Variants in CLIP2 observed in about 807,000 individuals in gnomAD.
CLIP2 encodes the protein CAP-Gly domain-containing linker protein 2.
In CLIP2, 41 loss-of-function variants were observed where a neutral mutation model predicts 111.7. The observed-to-expected ratio is 0.37, with a 90% CI of 0.29 to 0.48. The LOEUF is 0.48. Ranked by LOEUF, CLIP2 falls within the 20% of genes least tolerant of loss-of-function variation. The pLI, the probability that CLIP2 is intolerant of heterozygous loss-of-function variation, is 0.99. For missense variants in CLIP2, 1,160 were observed against 1,422.1 expected, an observed-to-expected ratio of 0.82 and a Z score of 2.96; for synonymous variants, 660 against 644.2, an observed-to-expected ratio of 1.02 and a Z score of -0.37.
At chr7:74,361,432 A>G (rs1554309770) in intron 7 of CLIP2, among the ~76,000 whole-genome samples, 1 of 151,570 alleles carries the variant, frequency 6.6e-6, no homozygotes, top group East Asian at 2.0e-4. Context: ...GGCCAGGCTG[A>G]TCTCAAACTC....
chr7:74,322,023 G>A (rs566815268), intron 2 of CLIP2, among the ~76,000 whole-genome samples: 4 of 127,912 alleles, frequency 3.1e-5, no homozygotes, highest in South Asian at 2.4e-4. Context: ...TTGCTCTGTC[G>A]ACCAGGCTGG....
intron 10 of CLIP2, among the ~76,000 whole-genome samples, chr7:74,378,665 A>C (rs544697895): frequency 6.6e-6 from 1 of 152,188 alleles, no homozygotes; most frequent in South Asian, 2.1e-4. Flanking sequence ...ACTTGAGCCC[A>C]GGTGTTTGAG....
In CLIP2 at chr7:74,343,738, C is replaced by CA. The variant is rs34002172; in HGVS notation, c.678+4750dup. 2.6e-3 allele frequency among the ~76,000 whole-genome samples: 348 copies of CA among 136,434 alleles called. 1 individual carries two copies. The highest frequency in any genetic ancestry group is 5.1e-3 in the African/African-American group (178 of 35,168). 89.5% of individuals were successfully genotyped at this position (136,434 alleles called of 152,430 possible). On this transcript the variant is annotated intron_variant, in intron 3 of 16. Coordinates refer to ENST00000223398, the MANE Select transcript of CLIP2 (RefSeq NM_003388.5). ...CAAGACCCCGTCTCTACTAAAAATA[C>CA]AAAAAAAAAAAAAAAATAGCCGGGC...
At chr7:74,339,696 T>C (rs530866823) in intron 3 of CLIP2, among the ~76,000 whole-genome samples, 1 of 152,236 alleles carries the variant, frequency 6.6e-6, no homozygotes, top group East Asian at 1.9e-4. Flanking sequence ...TAAGTACCCA[T>C]ACATTTTGGC....
chr7:74,368,442 G>A (rs1179777899), intron 8 of CLIP2, among the ~76,000 whole-genome samples: 2 of 151,910 alleles, frequency 1.3e-5, no homozygotes, highest in African/African-American at 4.8e-5. Context: ...GCTTGAACCT[G>A]GGAGGCGGAG....
intron 1 of CLIP2, among the ~76,000 whole-genome samples, chr7:74,305,855 A>ACTC (rs1788468239): frequency 1.9e-5 from 1 of 52,302 alleles, no homozygotes; most frequent in Non-Finnish European, 3.1e-5. Flanking sequence ...CTGCACCCCA[A>ACTC]CCCCCCCCCA....
chr7:74,382,876 A>G (rs899763780), intron 11 of CLIP2, among the ~76,000 whole-genome samples: 19 of 151,462 alleles, frequency 1.3e-4, no homozygotes, highest in African/African-American at 4.6e-4. Flanking sequence ...GTTCAAGACC[A>G]GCCTGGGCAA....
At chr7:74,336,214 T>C (rs1426195278) in intron 2 of CLIP2, among the ~76,000 whole-genome samples, 1 of 151,500 alleles carries the variant, frequency 6.6e-6, no homozygotes, top group Non-Finnish European at 1.5e-5. Context: ...ACTACAGGCA[T>C]ATGCCACCAC....
In CLIP2 at chr7:74,302,243, TC is replaced by T. The variant is rs1432216547; in HGVS notation, c.-68+12510del. 7.9e-5 allele frequency among the ~76,000 whole-genome samples: 12 copies of T among 151,638 alleles called. No homozygotes were observed. In the East Asian group the frequency reaches 2.1e-3, roughly 27 times the overall value. On this transcript the variant is annotated intron_variant, in intron 1 of 16. Transcript: ENST00000223398. The stretch of plus-strand genomic sequence containing the variant: ...TTTTAAAAATTTTTTTGAAATAGAG[TC>T]TTACTCTGTCACCCAGGCTGGAGTG...
In CLIP2 at chr7:74,396,517, A is replaced by G. The variant is rs782187466; in HGVS notation, c.2721-557A>G. On this transcript the variant is annotated intron_variant, in intron 13 of 16. Coordinates refer to ENST00000223398, the MANE Select transcript of CLIP2 (RefSeq NM_003388.5). Reference sequence around the variant, plus strand: ...CAAATATATTGTCTTTTCTTTAAAAATTTTATTTATTATTATTTTCTTTGA... The same window carrying G: ...CAAATATATTGTCTTTTCTTTAAAAGTTTTATTTATTATTATTTTCTTTGA... 3.7e-4 allele frequency among the ~76,000 whole-genome samples: 57 copies of G among 152,056 alleles called. 1 individual carries two copies. The Middle Eastern group carries it at 0.017, about 45-fold the overall frequency.
At chr7:74,349,386 G>A (rs1217146464) in intron 3 of CLIP2, among the ~76,000 whole-genome samples, 20 of 139,968 alleles carry the variant, frequency 1.4e-4, no homozygotes, top group Admixed American at 3.8e-4. Context: ...AGCTGAGATC[G>A]TGCCACTGCA....
chr7:74,345,021 C>A (rs1789764817), intron 3 of CLIP2, among the ~76,000 whole-genome samples: 1 of 152,132 alleles, frequency 6.6e-6, no homozygotes, highest in Admixed American at 6.6e-5. Context: ...TCTTTCACTC[C>A]CTGGCTACTC....
chr7:74,344,543 G>A (rs1789749355), intron 3 of CLIP2, among the ~76,000 whole-genome samples: 1 of 151,940 alleles, frequency 6.6e-6, no homozygotes, highest in East Asian at 1.9e-4. Context: ...CACCATGCCT[G>A]CCTAATTTTT....
chr7:74,351,560 A>T (rs1789998949), intron 3 of CLIP2, among the ~76,000 whole-genome samples: 1 of 151,862 alleles, frequency 6.6e-6, no homozygotes, highest in Non-Finnish European at 1.5e-5. Context: ...AACCAGCCAG[A>T]CGTGGTGGCT....
chr7:74,350,914 GGGAAGGGAA>G (rs199529714), intron 3 of CLIP2, among the ~76,000 whole-genome samples: 57 of 145,940 alleles, frequency 3.9e-4, no homozygotes, highest in East Asian at 1.9e-3. Flanking sequence ...AGGAAGGAAA[GGGAAGGGAA>G]GGAAGGGAAG....
In CLIP2 at chr7:74,304,530, A is replaced by C. The variant is rs1454567893; in HGVS notation, c.-67-12950A>C. ...GACAGAGGGAGACTCTGACAAAAAAACCTGGGCGACAGAGGGAGACTCTGA... is the reference window on the plus strand; with the variant it reads ...GACAGAGGGAGACTCTGACAAAAAACCCTGGGCGACAGAGGGAGACTCTGA... On this transcript the variant is annotated intron_variant, in intron 1 of 16. Transcript: ENST00000223398. Among the ~76,000 whole-genome samples, 5 of 150,036 alleles carry C rather than the reference A, an allele frequency of 3.3e-5. 1 individual carries two copies. Among genetic ancestry groups the C allele is most frequent in the Non-Finnish European group, 4.4e-5 (3 of 67,548 alleles).
chr7:74,321,601 T>G (rs1466185264), intron 2 of CLIP2, among the ~76,000 whole-genome samples: 1 of 151,984 alleles, frequency 6.6e-6, no homozygotes, highest in African/African-American at 2.4e-5. Flanking sequence ...CCCAAGTAGC[T>G]GGGATTACAG....
intron 2 of CLIP2, among the ~76,000 whole-genome samples, chr7:74,332,712 A>C (rs1554731522): frequency 6.6e-6 from 1 of 152,116 alleles, no homozygotes. Context: ...CACCCACATC[A>C]TTCGAGGTGG....
At chr7:74,364,570 G>A (rs1409312222) in intron 8 of CLIP2, among the ~76,000 whole-genome samples, 1 of 152,194 alleles carries the variant, frequency 6.6e-6, no homozygotes, top group African/African-American at 2.4e-5. Context: ...GGGCAGATGG[G>A]GGGCTGGGCC....
Sources: allele counts gnomAD v4.1 joint callset (sites outside exome capture counted in the v4.1 genomes callset), GRCh38; gene constraint gnomAD v4.1.1; transcripts MANE v1.5; gene names NCBI Gene and HGNC (gene_info 2026-07-23, HGNC 2026-07-21).